Variants in GRID1 observed in about 807,000 individuals in gnomAD.
GRID1 encodes glutamate receptor ionotropic, delta-1.
GRID1 carries 28 observed loss-of-function variants against 98.0 expected under a neutral mutation model. The ratio of observed to expected loss-of-function variants is 0.29; its 90% CI spans 0.21 to 0.39. The LOEUF (loss-of-function observed/expected upper bound fraction) is 0.39. Ranked by LOEUF, GRID1 falls within the 10% of genes least tolerant of loss-of-function variation. The pLI, the probability that GRID1 is intolerant of heterozygous loss-of-function variation, is 1.00. For missense variants in GRID1, 1,111 were observed against 1,340.5 expected, an observed-to-expected ratio of 0.83 and a Z score of 2.67; for synonymous variants, 553 against 538.5, an observed-to-expected ratio of 1.03 and a Z score of -0.37.
chr10:85,850,193 G>A (rs926441456), intron 8 of GRID1, among the ~76,000 whole-genome samples: 2 of 152,186 alleles, frequency 1.3e-5, no homozygotes, highest in African/African-American at 4.8e-5. Flanking sequence ...GGGACCCGGA[G>A]ATAGTGGAAG....
intron 3 of GRID1, among the ~76,000 whole-genome samples, chr10:86,181,233 C>T (rs774955500): frequency 6.6e-6 from 1 of 152,224 alleles, no homozygotes; most frequent in Non-Finnish European, 1.5e-5. Context: ...CCCACTGCAA[C>T]CATCACTTTA....
intron 4 of GRID1, among the ~76,000 whole-genome samples, chr10:86,006,368 C>G (rs1842860273): frequency 1.3e-5 from 2 of 152,186 alleles, no homozygotes; most frequent in Admixed American, 1.3e-4. Context: ...TGCCTATAAT[C>G]CCAGCACTTT....
chr10:86,081,267 C>T (rs1428663223), intron 4 of GRID1, among the ~76,000 whole-genome samples: 1 of 152,106 alleles, frequency 6.6e-6, no homozygotes, highest in Non-Finnish European at 1.5e-5. Context: ...AAAATGGATG[C>T]AAAGAGGGCC....
At chr10:85,673,825 TC>T (rs1841114429) in intron 12 of GRID1, among the ~76,000 whole-genome samples, 1 of 152,234 alleles carries the variant, frequency 6.6e-6, no homozygotes, top group South Asian at 2.1e-4. Context: ...CTCAGATCAC[TC>T]TTCTCGATTA....
intron 2 of GRID1, among the ~76,000 whole-genome samples, chr10:86,341,817 A>T (rs1346740539): frequency 2.0e-5 from 3 of 152,198 alleles, no homozygotes; most frequent in African/African-American, 7.2e-5. Flanking sequence ...TTCCAGGCTC[A>T]AGAGCTGTGC....
chr10:85,873,944 T>C (rs1450554736), intron 5 of GRID1, among the ~76,000 whole-genome samples: 1 of 152,262 alleles, frequency 6.6e-6, no homozygotes, highest in Non-Finnish European at 1.5e-5. Context: ...TCATGGCTGA[T>C]AGGTGCAGCT....
At chr10:86,172,373 G>A (rs1294191477) in intron 3 of GRID1, among the ~76,000 whole-genome samples, 2 of 152,156 alleles carry the variant, frequency 1.3e-5, no homozygotes, top group Non-Finnish European at 1.5e-5. Context: ...CATTGTGTGA[G>A]TATACATCAG....
chr10:86,034,790 C>T (rs933725667), intron 4 of GRID1, among the ~76,000 whole-genome samples: 1 of 151,962 alleles, frequency 6.6e-6, no homozygotes, highest in Middle Eastern at 3.2e-3. Flanking sequence ...CAGATTGTGC[C>T]TGGATGAACA....
chr10:86,357,195 T>C (rs998324426), intron 2 of GRID1, among the ~76,000 whole-genome samples: 12 of 152,318 alleles, frequency 7.9e-5, no homozygotes, highest in Middle Eastern at 3.4e-3. Flanking sequence ...ACCATGGCCA[T>C]TGGCCAGGAA....
intron 2 of GRID1, among the ~76,000 whole-genome samples, chr10:86,333,044 G>A (rs776389605): frequency 6.6e-5 from 10 of 152,112 alleles, no homozygotes; most frequent in Non-Finnish European, 1.5e-4. Context: ...CTATCAGTAT[G>A]AGGTCCAGCT....
intron 3 of GRID1, among the ~76,000 whole-genome samples, chr10:86,167,532 T>G (rs1043935342): frequency 6.6e-6 from 1 of 152,144 alleles, no homozygotes; most frequent in Admixed American, 6.5e-5. Context: ...GTGGGGACAG[T>G]GGTTGCTGGG....
rs966777475 is a variant in GRID1, at chr10:85,916,101, T to C, written c.780+85A>G. On this transcript the variant is annotated intron_variant, in intron 5 of 15. Coordinates refer to ENST00000327946, the MANE Select transcript of GRID1 (RefSeq NM_017551.3). The surrounding 1 kb of genome is among the most constrained non-coding windows in gnomAD (Gnocchi z 4.0). The stretch of plus-strand genomic sequence containing the variant: ...TTCACAACAGCCCCCTAAGTCAGAA[T>C]TGAACTGAAAAGAATCACACTGAGC... The C allele has an allele frequency of 6.6e-6, 7 of 1,056,330 alleles. No homozygotes were observed. The highest frequency in any genetic ancestry group is 4.7e-5 in the African/African-American group (3 of 64,444). The allele number at this position is 1,056,330 out of a possible 1,614,324, so 65.4% of individuals were successfully genotyped here.
chr10:85,870,197 A>G (rs1194109571), intron 5 of GRID1, among the ~76,000 whole-genome samples: 1 of 152,234 alleles, frequency 6.6e-6, no homozygotes, highest in Non-Finnish European at 1.5e-5. Context: ...AGGCAGAAGA[A>G]GCTGGAAAGA....
Position 85,821,536 on chromosome 10 carries a change from A to AC in GRID1, c.1233+32959_1233+32960insG, listed in dbSNP as rs1564600861. Among the ~76,000 whole-genome samples, 5 of 133,296 alleles carry AC rather than the reference A, an allele frequency of 3.8e-5. 1 individual carries two copies. Among genetic ancestry groups the AC allele is most frequent in the African/African-American group, 1.2e-4 (4 of 33,180 alleles). The allele number at this position is 133,296 out of a possible 152,430, so 87.4% of individuals were successfully genotyped here. A position where few individuals can be genotyped will look rare whatever the true frequency, so the allele number is the denominator to read the frequency against. The stretch of plus-strand genomic sequence containing the variant: ...CATCTCAAAAAAAAAAAAAAAAAAA[A>AC]AAAAAAAAAGAAAACAGATCAATAG... On this transcript the variant is annotated intron_variant, in intron 8 of 15. Transcript: ENST00000327946.
At chr10:85,641,168 G>A (rs543532227) in intron 13 of GRID1, among the ~76,000 whole-genome samples, 1 of 152,280 alleles carries the variant, frequency 6.6e-6, no homozygotes, top group East Asian at 1.9e-4. Context: ...CAGAAATTGG[G>A]TTATGCTGGA....
At chr10:85,640,221 T>C (rs1032077978) in intron 13 of GRID1, among the ~76,000 whole-genome samples, 3 of 152,194 alleles carry the variant, frequency 2.0e-5, no homozygotes, top group Non-Finnish European at 4.4e-5. Context: ...AAAATAGATA[T>C]AGGGTCTTTT....
rs762615552 is a variant in GRID1, at chr10:85,723,106, T to G, written c.1894A>C (p.Ile632Leu). 3 of 1,611,542 alleles carry G rather than the reference T, an allele frequency of 1.9e-6. No homozygotes were observed. Among genetic ancestry groups the G allele is most frequent in the Non-Finnish European group, 2.5e-6 (3 of 1,178,898 alleles). ...ESSVNSMAMR[I>L]VMGSWWLFTL... ...AAGAGCCACCAGCTGCCCATCACGATGCGCATGGCCATGGAGTTCACGGAA... is the reference window on the plus strand; with the variant it reads ...AAGAGCCACCAGCTGCCCATCACGAGGCGCATGGCCATGGAGTTCACGGAA... Residue 632 changes from isoleucine to leucine, a missense_variant, in exon 12 of 16, where the codon ATC becomes CTC. Coordinates refer to ENST00000327946, the MANE Select transcript of GRID1 (RefSeq NM_017551.3).
intron 2 of GRID1, among the ~76,000 whole-genome samples, chr10:86,285,600 G>A (rs965544237): frequency 6.6e-6 from 1 of 152,210 alleles, no homozygotes; most frequent in Admixed American, 6.5e-5. Context: ...ATAACCATAT[G>A]TCAGCACGCC....
At chr10:86,197,237 C>G (rs980652640) in intron 3 of GRID1, among the ~76,000 whole-genome samples, 3 of 152,156 alleles carry the variant, frequency 2.0e-5, no homozygotes, top group Non-Finnish European at 4.4e-5. Flanking sequence ...GAAGGTGCAG[C>G]TTGCAGACGT....
Sources: allele counts gnomAD v4.1 joint callset (sites outside exome capture counted in the v4.1 genomes callset), GRCh38; gene constraint gnomAD v4.1.1; non-coding constraint Gnocchi (gnomAD v3.1); transcripts MANE v1.5; gene names NCBI Gene and HGNC (gene_info 2026-07-23, HGNC 2026-07-21).